MLLT10: variants seen among roughly 807,000 people sequenced by gnomAD.
MLLT10 encodes the protein MLLT10 histone lysine methyltransferase DOT1L cofactor, also known as protein AF-10.
MLLT10 carries 30 observed loss-of-function variants against 129.1 expected under a neutral mutation model. The ratio of observed to expected loss-of-function variants is 0.23; its 90% confidence interval spans 0.17 to 0.32. MLLT10 has a LOEUF of 0.32. Ranked by LOEUF, MLLT10 falls within the 10% of genes least tolerant of loss-of-function variation. The probability of loss-of-function intolerance (pLI) is 1.00; values close to 1 mark genes in which losing one functional copy is unlikely to be tolerated. For synonymous variants in MLLT10, 490 were observed against 446.4 expected (o/e 1.10, Z -1.23); for missense variants, 1,119 against 1,268.3 (o/e 0.88, Z 1.79).
chr10:21,730,860 G>T (rs759750345), intron 16 of MLLT10, 40 bp from the exon 17 acceptor site: 9 of 1,612,474 alleles, frequency 5.6e-6, no homozygotes, highest in African/African-American at 1.3e-5. Context: ...TCTCTTAAAA[G>T]CATTCCCCTT....
chr10:21,589,155 T>C (rs558051988), intron 4 of MLLT10, among the ~76,000 whole-genome samples: 162 of 152,140 alleles, frequency 1.1e-3, no homozygotes, highest in Non-Finnish European at 1.6e-3. Flanking sequence ...TGTTTTGATA[T>C]GAGTTGGACT....
chr10:21,689,671 T>TC (rs2053669695), intron 13 of MLLT10, among the ~76,000 whole-genome samples: 1 of 145,946 alleles, frequency 6.9e-6, no homozygotes, highest in Non-Finnish European at 1.5e-5. Flanking sequence ...ATTTTTTTTT[T>TC]CTTGGCATGT....
chr10:21,570,563 C>T (rs552618185), intron 3 of MLLT10, among the ~76,000 whole-genome samples: 11 of 150,828 alleles, frequency 7.3e-5, no homozygotes, highest in African/African-American at 2.2e-4. Flanking sequence ...TCAATTATCA[C>T]GTATTACATT....
chr10:21,603,155 C>G (rs2043721032), intron 5 of MLLT10, among the ~76,000 whole-genome samples: 1 of 151,772 alleles, frequency 6.6e-6, no homozygotes, highest in Non-Finnish European at 1.5e-5. Context: ...CGAGTTCAAG[C>G]CATTCTCCTG....
At chr10:21,601,840 T>A (rs966791716) in intron 5 of MLLT10, among the ~76,000 whole-genome samples, 2 of 152,216 alleles carry the variant, frequency 1.3e-5, no homozygotes, top group Non-Finnish European at 2.9e-5. Flanking sequence ...CCTGGCCCTA[T>A]CTCAGTTTTT....
intron 9 of MLLT10, among the ~76,000 whole-genome samples, chr10:21,664,095 A>G (rs997651963): frequency 6.6e-6 from 1 of 152,174 alleles, no homozygotes; most frequent in South Asian, 2.1e-4. Flanking sequence ...TAGTTAAAAA[A>G]TGCTTTGTAT....
chr10:21,699,121 C>T lies in MLLT10; in HGVS notation c.1700-14651C>T, dbSNP rs140225260. ...AACTCCTGACCTCAGGTGATCCACC[C>T]GCCTCGGCCTCCCAAAGTGCTGGGA... On this transcript the variant is annotated intron_variant, in intron 13 of 22. Transcript: ENST00000307729. 5.6e-4 allele frequency among the ~76,000 whole-genome samples: 85 copies of T among 152,244 alleles called. No individual in the cohort carries two copies. The East Asian group carries it at 0.01, about 18-fold the overall frequency.
At chr10:21,611,670 T>C (rs138088294) in intron 5 of MLLT10, among the ~76,000 whole-genome samples, 7 of 152,304 alleles carry the variant, frequency 4.6e-5, no homozygotes, top group African/African-American at 1.4e-4. Flanking sequence ...AAAGTTAATA[T>C]TGCGTATTAG....
At chr10:21,539,107 T>A (rs2034612917) in intron 3 of MLLT10, 195 bp downstream of exon 3, 2 of 485,118 alleles carry the variant, frequency 4.1e-6, no homozygotes, top group Admixed American at 7.5e-5. Context: ...ATCAAGTGAG[T>A]ATATTTTGGA....
intron 14 of MLLT10, among the ~76,000 whole-genome samples, chr10:21,717,801 CCTTCTTCTT>C (rs1159115917): frequency 8.0e-6 from 1 of 125,450 alleles, no homozygotes; most frequent in African/African-American, 3.3e-5. Context: ...TTCTTCTTCT[CCTTCTTCTT>C]CTCCTTCTTC....
At chr10:21,577,725 C>T (rs2040936904) in intron 3 of MLLT10, among the ~76,000 whole-genome samples, 1 of 151,982 alleles carries the variant, frequency 6.6e-6, no homozygotes, top group South Asian at 2.1e-4. Context: ...CCCACATTAG[C>T]CTCCCAAAGT....
intron 8 of MLLT10, among the ~76,000 whole-genome samples, chr10:21,646,103 G>A (rs936292216): frequency 6.6e-6 from 1 of 152,170 alleles, no homozygotes; most frequent in African/African-American, 2.4e-5. Flanking sequence ...TACGTGGATG[G>A]CTGTAGGCAT....
chr10:21,542,663 A>G lies in MLLT10; in HGVS notation c.240+3751A>G, dbSNP rs1367152719. Among the ~76,000 whole-genome samples, 11 of 152,188 alleles carry G rather than the reference A, an allele frequency of 7.2e-5. 1 individual carries two copies. The highest frequency in any genetic ancestry group is 7.2e-4 in the Admixed American group (11 of 15,258). The stretch of plus-strand genomic sequence containing the variant: ...GGCCGAGGTGAGAGGATCACGCCTG[A>G]GTTGGAGATCAGGCCACAAGTTGGA... On this transcript the variant is annotated intron_variant, in intron 3 of 22. Transcript: ENST00000307729.
rs536457506 is a variant in MLLT10 at position 21,554,675 on chromosome 10, T to C, written c.240+15763T>C. 5.9e-5 allele frequency among the ~76,000 whole-genome samples: 9 copies of C among 151,700 alleles called. 1 individual carries two copies. Among genetic ancestry groups the C allele is most frequent in the African/African-American group, 2.2e-4 (9 of 41,370 alleles). ...TGAGGTTTCACCATGTTGGCCAAGATGGTCTCGATCTCCTGACCTCGTGAT... is the reference window on the plus strand; with the variant it reads ...TGAGGTTTCACCATGTTGGCCAAGACGGTCTCGATCTCCTGACCTCGTGAT... On this transcript the variant is annotated intron_variant, in intron 3 of 22. Transcript: ENST00000307729.
intron 8 of MLLT10, among the ~76,000 whole-genome samples, chr10:21,651,241 T>C (rs1254458882): frequency 6.6e-6 from 1 of 152,042 alleles, no homozygotes; most frequent in Non-Finnish European, 1.5e-5. Context: ...CCGGCTAATT[T>C]TTGTATTTTT....
intron 4 of MLLT10, among the ~76,000 whole-genome samples, chr10:21,590,908 C>G (rs1455154431): frequency 6.6e-6 from 1 of 152,076 alleles, no homozygotes; most frequent in Non-Finnish European, 1.5e-5. Flanking sequence ...CTATGTGTTA[C>G]ATTTTCCTCT....
At chr10:21,664,063 A>G (rs961384758) in intron 9 of MLLT10, among the ~76,000 whole-genome samples, 2 of 152,082 alleles carry the variant, frequency 1.3e-5, no homozygotes, top group Non-Finnish European at 2.9e-5. Context: ...GAATTTTGAT[A>G]TGTTGTGTTT....
At chr10:21,715,078 GAAC>G (rs2056435331) in intron 14 of MLLT10, among the ~76,000 whole-genome samples, 1 of 152,138 alleles carries the variant, frequency 6.6e-6, no homozygotes, top group African/African-American at 2.4e-5. Flanking sequence ...GTCTAATAAT[GAAC>G]AACTAGTTAA....
chr10:21,677,079 G>T (rs1006629140), intron 11 of MLLT10, among the ~76,000 whole-genome samples: 9 of 152,138 alleles, frequency 5.9e-5, no homozygotes, highest in Non-Finnish European at 1.3e-4. Flanking sequence ...AATTCTCTTA[G>T]GTTTTAAGTG....
Sources: gnomAD v4.1 joint callset for allele counts (sites outside exome capture counted in the v4.1 genomes callset) on GRCh38, gnomAD v4.1.1 for gene constraint, MANE v1.5 for transcripts, NCBI Gene and HGNC (gene_info 2026-07-23, HGNC 2026-07-21) for gene names.